UFC1: variants seen among roughly 807,000 people sequenced by gnomAD.
UFC1 encodes ubiquitin-fold modifier conjugating enzyme 1.
In UFC1, 22 loss-of-function variants were observed where a neutral mutation model predicts 28.0. The ratio of observed to expected loss-of-function variants is 0.78; its 90% confidence interval spans 0.56 to 1.12. The LOEUF (loss-of-function observed/expected upper bound fraction) is 1.12, where lower values mean the gene tolerates loss of function less well. Among genes scored for constraint, UFC1 ranks in the 50% most tolerant of loss-of-function variants. The pLI is 0.00. For synonymous variants in UFC1, 61 were observed against 74.5 expected, an observed-to-expected ratio of 0.82 and a Z score of 0.93; for missense variants, 189 against 207.8, an observed-to-expected ratio of 0.91 and a Z score of 0.56.
At chr1:161,158,021 C>G in intron 4 of UFC1, 100 bp from the exon 5 acceptor site, 1 of 1,076,906 alleles carries the variant, frequency 9.3e-7, no homozygotes, top group Admixed American at 1.9e-5. Context: ...TGAACTTGTT[C>G]TCAATTCTGA....
In UFC1 at chr1:161,155,591, G is replaced by A. The variant is rs994803510; in HGVS notation, c.124-1359G>A. 1.6e-4 allele frequency among the ~76,000 whole-genome samples: 25 copies of A among 152,324 alleles called. No individual in the cohort carries two copies. The Middle Eastern group carries it at 0.014, about 83-fold the overall frequency. ...GACAGGGACAAGACTGAAGGTAAGA[G>A]ACAAGTTAGGCTGTCATTAATCTCA... On this transcript the variant is annotated intron_variant, in intron 1 of 5. Transcript: ENST00000368003.
chr1:161,158,383 A>G, intron 5 of UFC1, 29 bp from the exon 6 acceptor site: 1 of 1,613,688 alleles, frequency 6.2e-7, no homozygotes, highest in Non-Finnish European at 8.5e-7. Context: ...GACTGGTAGT[A>G]ATCTCACAGG....
rs1657630260 is a variant in UFC1, at chr1:161,158,643, G to A, written c.*151G>A. On this transcript the variant is annotated 3_prime_UTR_variant, in exon 6 of 6. Transcript: ENST00000368003. ...AGCTGCAGTAGGCATTGCTGGGGAA[G>A]AAACAAACACACACCAAACAGTACT... The A allele has an allele frequency of 1.3e-6, 1 of 754,900 alleles. No individual in the cohort carries two copies. The highest frequency in any genetic ancestry group is 1.6e-5 in the South Asian group (1 of 61,596). The allele number at this position is 754,900 out of a possible 1,614,324, so 46.8% of individuals were successfully genotyped here.
Position 161,158,685 on chromosome 1 carries a change from G to A in UFC1, c.*193G>A, listed in dbSNP as rs2101793637. ...AACAGTACTGCTACTTAGTTTCTAAGGCTGCACAGGGAAGGGAAAGACTGG... is the reference window on the plus strand; with the variant it reads ...AACAGTACTGCTACTTAGTTTCTAAAGCTGCACAGGGAAGGGAAAGACTGG... On this transcript the variant is annotated 3_prime_UTR_variant, in exon 6 of 6. Transcript: ENST00000368003. The A allele has an allele frequency of 3.7e-5, 23 of 623,674 alleles. 2 individuals are homozygous for A. In the South Asian group the frequency reaches 4.2e-4, roughly 11 times the overall value. The allele number at this position is 623,674 out of a possible 1,614,324, so 38.6% of individuals were successfully genotyped here.
intron 1 of UFC1, among the ~76,000 whole-genome samples, chr1:161,154,490 TTTTG>T (rs570717050): frequency 4.6e-5 from 7 of 152,074 alleles, no homozygotes; most frequent in East Asian, 1.9e-4. Flanking sequence ...CTCTTCACTG[TTTTG>T]TTTGTTTGTT....
intron 1 of UFC1, among the ~76,000 whole-genome samples, chr1:161,154,928 T>A (rs1657468368): frequency 6.6e-6 from 1 of 152,166 alleles, no homozygotes; most frequent in South Asian, 2.1e-4. Flanking sequence ...GAAAAGTTTG[T>A]CTTCCTTGTA....
chr1:161,155,618 C>T (rs1044499692), intron 1 of UFC1, among the ~76,000 whole-genome samples: 1 of 151,958 alleles, frequency 6.6e-6, no homozygotes, highest in African/African-American at 2.4e-5. Flanking sequence ...TTAATCTCAG[C>T]GAAACAAAAG....
At chr1:161,158,359 G>A (rs181965761) in intron 5 of UFC1, 53 bp from the exon 6 acceptor site, 3 of 1,602,524 alleles carry the variant, frequency 1.9e-6, no homozygotes, top group Admixed American at 1.7e-5. Flanking sequence ...GCTTCTAATG[G>A]AACAAGAAGC....
chr1:161,157,105 C>T, intron 2 of UFC1, 88 bp downstream of exon 2: 1 of 1,502,736 alleles, frequency 6.7e-7, no homozygotes, highest in Non-Finnish European at 9.3e-7. Flanking sequence ...CAAAGCTGCC[C>T]TGTCACATGT....
chr1:161,155,141 T>C (rs1190380205), intron 1 of UFC1, among the ~76,000 whole-genome samples: 1 of 152,158 alleles, frequency 6.6e-6, no homozygotes, highest in East Asian at 1.9e-4. Context: ...TGGACAGATA[T>C]AAAGCGAGAA....
intron 4 of UFC1, 76 bp from the exon 5 acceptor site, chr1:161,158,045 T>C (rs1029844580): frequency 1.5e-6 from 2 of 1,293,860 alleles, no homozygotes; most frequent in African/African-American, 2.9e-5. Context: ...CTAGTAGTCT[T>C]CCTATGCCCC....
intron 1 of UFC1, 111 bp downstream of exon 1, chr1:161,154,231 CA>C: frequency 6.7e-7 from 1 of 1,502,096 alleles, no homozygotes; most frequent in Non-Finnish European, 9.0e-7. Context: ...GTTTAACGCC[CA>C]AATTCATAGA....
chr1:161,157,754 G>T, intron 4 of UFC1, 61 bp downstream of exon 4: 1 of 1,397,108 alleles, frequency 7.2e-7, no homozygotes. Flanking sequence ...ACTTCGTGGC[G>T]GGAGGGAGAG....
rs547018584 is a variant in UFC1, at chr1:161,158,700, G to A, written c.*208G>A. On this transcript the variant is annotated 3_prime_UTR_variant, in exon 6 of 6. Coordinates refer to ENST00000368003, the MANE Select transcript of UFC1 (RefSeq NM_016406.4). ...TAGTTTCTAAGGCTGCACAGGGAAGGGAAAGACTGGGCTTTGGACAATCTA... is the reference window on the plus strand; with the variant it reads ...TAGTTTCTAAGGCTGCACAGGGAAGAGAAAGACTGGGCTTTGGACAATCTA... 2 of 598,890 alleles carry A rather than the reference G, an allele frequency of 3.3e-6. No homozygotes were observed. The highest frequency in any genetic ancestry group is 1.9e-5 in the South Asian group (1 of 52,298). 37.1% of individuals were successfully genotyped at this position (598,890 alleles called of 1,614,324 possible).
At position 161,158,418 on chromosome 1, in the gene UFC1, C is replaced by G; in HGVS notation, c.430C>G (p.Pro144Ala). 6.2e-7 allele frequency: 1 copy of G among 1,614,178 alleles called. No individual in the cohort carries two copies. Among genetic ancestry groups the G allele is most frequent in the African/African-American group, 1.3e-5 (1 of 75,040 alleles). The change falls in exon 6 of 6, where the codon CCA becomes GCA. Residue 144 changes from proline to alanine, a missense_variant. By Grantham distance (27) the Pro-to-Ala change is conservative. Coordinates refer to ENST00000368003, the MANE Select transcript of UFC1 (RefSeq NM_016406.4). Reference sequence around the variant, plus strand: ...GATTTTCCTTGTATTGCAGCTGGGTCCATGGCTGGCAGTGGAAATCCCTGA... The same window carrying G: ...GATTTTCCTTGTATTGCAGCTGGGTGCATGGCTGGCAGTGGAAATCCCTGA... Reference protein sequence around the residue: ...LAHLMALGLGPWLAVEIPDLI... With the variant: ...LAHLMALGLGAWLAVEIPDLI...
At position 161,158,411 on chromosome 1, in the gene UFC1, G is replaced by A; in HGVS notation, c.424-1G>A. 1 of 1,614,210 alleles carries A rather than the reference G, an allele frequency of 6.2e-7. No individual in the cohort carries two copies. Among genetic ancestry groups the A allele is most frequent in the Non-Finnish European group, 8.5e-7 (1 of 1,180,040 alleles). ...CTCACAGGATTTTCCTTGTATTGCA[G>A]CTGGGTCCATGGCTGGCAGTGGAAA... On this transcript the variant is annotated splice_acceptor_variant, in intron 5 of 5. Coordinates refer to ENST00000368003, the MANE Select transcript of UFC1 (RefSeq NM_016406.4). LOFTEE classifies it high-confidence loss of function.
chr1:161,158,168 G>C lies in UFC1; in HGVS notation c.380G>C (p.Arg127Thr). The change falls in exon 5 of 6, where the codon AGG becomes ACG. Residue 127 changes from arginine to threonine, a missense_variant. Arg to Thr is a moderately conservative substitution (Grantham distance 71, BLOSUM62 -1). Coordinates refer to ENST00000368003, the MANE Select transcript of UFC1 (RefSeq NM_016406.4). Reference protein sequence around the residue: ...LTDHFKPLWARNVPKFGLAHL... With the variant: ...LTDHFKPLWATNVPKFGLAHL... Reference sequence around the variant, plus strand: ...GATCATTTCAAACCTTTGTGGGCCAGGAATGTGCCCAAATTTGGACTAGCT... The same window carrying C: ...GATCATTTCAAACCTTTGTGGGCCACGAATGTGCCCAAATTTGGACTAGCT... The C allele has an allele frequency of 6.2e-7, 1 of 1,614,178 alleles. No individual in the cohort carries two copies. The highest frequency in any genetic ancestry group is 8.5e-7 in the Non-Finnish European group (1 of 1,180,030).
At chr1:161,157,721 G>A in intron 4 of UFC1, 28 bp downstream of exon 4, 1 of 1,597,536 alleles carries the variant, frequency 6.3e-7, no homozygotes. Flanking sequence ...ATGGCAAAGA[G>A]TCAAAGAAAG....
intron 1 of UFC1, among the ~76,000 whole-genome samples, chr1:161,156,667 C>T (rs1048666135): frequency 6.6e-6 from 1 of 151,452 alleles, no homozygotes; most frequent in Non-Finnish European, 1.5e-5. Context: ...CATGGCAAAA[C>T]CCCGTCTCTA....
Sources: allele counts gnomAD v4.1 joint callset (sites outside exome capture counted in the v4.1 genomes callset), GRCh38; gene constraint gnomAD v4.1.1; transcripts MANE v1.5; gene names NCBI Gene and HGNC (gene_info 2026-07-23, HGNC 2026-07-21).